SORCS1: variants seen among roughly 807,000 people sequenced by gnomAD.
The protein encoded by SORCS1 is sortilin related VPS10 domain containing receptor 1.
A neutral mutation model predicts 146.1 loss-of-function variants in SORCS1; 60 were observed. The observed-to-expected ratio is 0.41, with a 90% CI of 0.33 to 0.51. The LOEUF is 0.51. Ranked by LOEUF, SORCS1 falls within the 20% of genes least tolerant of loss-of-function variation. The probability of loss-of-function intolerance (pLI) is 0.21; values close to 1 mark genes in which losing one functional copy is unlikely to be tolerated. For missense variants in SORCS1, 1,352 were observed against 1,487.6 expected (o/e 0.91, Z 1.50); for synonymous variants, 637 against 584.0 (o/e 1.09, Z -1.31).
intron 21 of SORCS1, among the ~76,000 whole-genome samples, chr10:106,616,945 GCTCT>G (rs1847402324): frequency 1.8e-5 from 1 of 56,392 alleles, no homozygotes. Context: ...TCTCTCTCTT[GCTCT>G]TTCTTTTTTT....
At chr10:107,008,179 A>G (rs1243667554) in intron 1 of SORCS1, among the ~76,000 whole-genome samples, 2 of 152,166 alleles carry the variant, frequency 1.3e-5, no homozygotes, top group East Asian at 3.8e-4. Context: ...CAACTTCAAT[A>G]GTACATAAAA....
intron 3 of SORCS1, among the ~76,000 whole-genome samples, chr10:106,779,969 A>G (rs909720160): frequency 4.6e-5 from 7 of 152,232 alleles, no homozygotes; most frequent in African/African-American, 1.7e-4. Flanking sequence ...TTATTATTTT[A>G]GTCTTAAATT....
At chr10:106,852,910 A>G (rs749503878) in intron 2 of SORCS1, among the ~76,000 whole-genome samples, 1 of 152,122 alleles carries the variant, frequency 6.6e-6, no homozygotes. Flanking sequence ...TTCATGAGAG[A>G]TAATTGTCTG....
chr10:106,665,941 C>T (rs189467467), intron 17 of SORCS1, among the ~76,000 whole-genome samples: 40 of 152,098 alleles, frequency 2.6e-4, no homozygotes, highest in East Asian at 5.8e-4. Context: ...CCTGGGTTCA[C>T]GCCATTCTCC....
chr10:106,894,684 C>G (rs1320631421), intron 2 of SORCS1, among the ~76,000 whole-genome samples: 1 of 152,240 alleles, frequency 6.6e-6, no homozygotes, highest in South Asian at 2.1e-4. Flanking sequence ...GAGTTTCAAA[C>G]AAGGTTATAC....
At chr10:106,996,450 C>CA (rs964694888) in intron 1 of SORCS1, among the ~76,000 whole-genome samples, 1 of 152,096 alleles carries the variant, frequency 6.6e-6, no homozygotes, top group Non-Finnish European at 1.5e-5. Flanking sequence ...ATGCTACAGA[C>CA]AAAATGCATA....
rs202012784 is a variant in SORCS1 at position 106,577,560 on chromosome 10, G to A, written c.3372-5C>T. ...GGGGAGGGTAAAGCTACTCTCCTAA[G>A]AGAAAACGTGTAACACTTACTCATT... On this transcript the variant is annotated splice_region_variant and splice_polypyrimidine_tract_variant and intron_variant, in intron 25 of 25. Coordinates refer to ENST00000263054, the MANE Select transcript of SORCS1 (RefSeq NM_052918.5). 16 of 1,610,394 alleles carry A rather than the reference G, an allele frequency of 9.9e-6. No individual in the cohort carries two copies. The highest frequency in any genetic ancestry group is 2.7e-5 in the African/African-American group (2 of 74,728).
At chr10:106,651,176 A>G (rs932816967) in intron 18 of SORCS1, among the ~76,000 whole-genome samples, 2 of 152,216 alleles carry the variant, frequency 1.3e-5, no homozygotes, top group African/African-American at 2.4e-5. Flanking sequence ...AGATATGCAC[A>G]TCGTTTGAGC....
At chr10:107,085,345 C>T (rs547652935) in intron 1 of SORCS1, among the ~76,000 whole-genome samples, 1 of 152,304 alleles carries the variant, frequency 6.6e-6, no homozygotes, top group Admixed American at 6.5e-5. Flanking sequence ...TCTCTACTGA[C>T]TTAACATGGC....
intron 8 of SORCS1, among the ~76,000 whole-genome samples, chr10:106,703,491 T>G (rs1854280566): frequency 1.3e-5 from 2 of 152,220 alleles, no homozygotes; most frequent in Admixed American, 1.3e-4. Context: ...GAAAACTCAT[T>G]ACTTTCCCCT....
chr10:106,882,768 G>C (rs1025533599), intron 2 of SORCS1, among the ~76,000 whole-genome samples: 51 of 152,156 alleles, frequency 3.4e-4, no homozygotes, highest in African/African-American at 1.2e-3. Context: ...GGATTCACTA[G>C]AGAATTTTAA....
intron 2 of SORCS1, among the ~76,000 whole-genome samples, chr10:106,926,877 AGAGAG>A (rs1564818673): frequency 2.7e-5 from 4 of 149,426 alleles, no homozygotes; most frequent in South Asian, 2.1e-4. Context: ...AGAGAGAGAG[AGAGAG>A]AGAGAGAGAG....
chr10:106,934,434 T>G (rs1953592557), intron 2 of SORCS1, among the ~76,000 whole-genome samples: 1 of 151,934 alleles, frequency 6.6e-6, no homozygotes, highest in South Asian at 2.1e-4. Context: ...TTTTTTTTTG[T>G]ATTTTTAGTG....
At chr10:106,616,359 T>C (rs1847360446) in intron 21 of SORCS1, among the ~76,000 whole-genome samples, 1 of 152,258 alleles carries the variant, frequency 6.6e-6, no homozygotes, top group East Asian at 1.9e-4. Flanking sequence ...TTAAGTAGGA[T>C]AGTTTCAGTG....
intron 2 of SORCS1, among the ~76,000 whole-genome samples, chr10:106,871,304 G>T (rs1950398976): frequency 6.6e-6 from 1 of 152,146 alleles, no homozygotes; most frequent in Non-Finnish European, 1.5e-5. Context: ...ATTCCTCAAA[G>T]AGCTAAAAAC....
chr10:107,089,760 C>T (rs1028790130), intron 1 of SORCS1, among the ~76,000 whole-genome samples: 1 of 152,206 alleles, frequency 6.6e-6, no homozygotes. Context: ...ATATTTGTCA[C>T]ATCTATATTT....
chr10:106,957,333 C>A lies in SORCS1; in HGVS notation c.559-753G>T, dbSNP rs538491564. ...GGATTACAGTTGCCCACCACCACGC[C>A]CGGCTAATTTTTTGCATTTTTAGAG... On this transcript the variant is annotated intron_variant, in intron 1 of 25. Coordinates refer to ENST00000263054, the MANE Select transcript of SORCS1 (RefSeq NM_052918.5). 2.6e-5 allele frequency among the ~76,000 whole-genome samples: 4 copies of A among 151,836 alleles called. No homozygotes were observed. The South Asian group carries it at 8.4e-4, about 32-fold the overall frequency.
At chr10:106,595,602 A>G (rs1359073492) in intron 24 of SORCS1, among the ~76,000 whole-genome samples, 1 of 152,208 alleles carries the variant, frequency 6.6e-6, no homozygotes, top group Non-Finnish European at 1.5e-5. Flanking sequence ...ATGAAATCCA[A>G]TAAAGAAAAA....
intron 23 of SORCS1, among the ~76,000 whole-genome samples, chr10:106,605,759 C>T (rs1382173013): frequency 6.6e-6 from 1 of 152,144 alleles, no homozygotes; most frequent in Admixed American, 6.5e-5. Flanking sequence ...TTCAACAGGG[C>T]TTTCCATGAG....
Sources: allele counts gnomAD v4.1 joint callset (sites outside exome capture counted in the v4.1 genomes callset), GRCh38; gene constraint gnomAD v4.1.1; transcripts MANE v1.5; gene names NCBI Gene and HGNC (gene_info 2026-07-23, HGNC 2026-07-21).